SGCD: variants seen among roughly 807,000 people sequenced by gnomAD.
The protein encoded by SGCD is sarcoglycan delta.
A neutral mutation model predicts 36.6 loss-of-function variants in SGCD; 18 were observed. The observed-to-expected ratio is 0.49, with a 90% CI of 0.34 to 0.73. SGCD has a LOEUF of 0.73. Among genes scored for constraint, SGCD ranks in the 30% least tolerant of loss-of-function variants. The pLI is 0.01. For missense variants in SGCD, 387 were observed against 346.7 expected (o/e 1.12, Z -0.92); for synonymous variants, 133 against 130.6 (o/e 1.02, Z -0.12).
At chr5:156,071,885 T>A (rs1303639366) in intron 1 of SGCD, among the ~76,000 whole-genome samples, 3 of 152,196 alleles carry the variant, frequency 2.0e-5, no homozygotes, top group African/African-American at 4.8e-5. Flanking sequence ...CATTATGTAA[T>A]GGCCTTCTTT....
chr5:155,737,500 T>A, the SGCD span, among the ~76,000 whole-genome samples: 1 of 152,216 alleles, frequency 6.6e-6, no homozygotes, highest in East Asian at 1.9e-4. Flanking sequence ...TAAAAAGAAA[T>A]CATGCTATGG....
intron 7 of SGCD, among the ~76,000 whole-genome samples, chr5:156,746,038 A>G (rs1581520696): frequency 6.6e-6 from 1 of 152,054 alleles, no homozygotes; most frequent in East Asian, 1.9e-4. Context: ...AAAAAAAATT[A>G]AATTAAAATT....
chr5:156,035,285 G>T (rs920102302), intron 1 of SGCD, among the ~76,000 whole-genome samples: 1 of 152,114 alleles, frequency 6.6e-6, no homozygotes, highest in Non-Finnish European at 1.5e-5. Flanking sequence ...CCTTAACAGA[G>T]TGGTTAAAAC....
chr5:156,622,525 C>T (rs1487439407), intron 6 of SGCD, among the ~76,000 whole-genome samples: 1 of 145,216 alleles, frequency 6.9e-6, no homozygotes, highest in East Asian at 2.0e-4. Flanking sequence ...TTGCAAGTCT[C>T]CATAACAAAG....
chr5:155,873,429 G>A (rs944686197), intron 1 of SGCD, among the ~76,000 whole-genome samples: 3 of 152,146 alleles, frequency 2.0e-5, no homozygotes, highest in Admixed American at 2.0e-4. Flanking sequence ...GAAACAGAAA[G>A]TCCAAATACT....
intron 3 of SGCD, among the ~76,000 whole-genome samples, chr5:156,145,950 ATG>A (rs1371762596): frequency 4.6e-5 from 7 of 152,336 alleles, no homozygotes; most frequent in South Asian, 2.1e-4. Flanking sequence ...GTGGTGGCTC[ATG>A]CCTGTAATAC....
At chr5:156,002,119 CTG>C (rs1277158598) in intron 1 of SGCD, among the ~76,000 whole-genome samples, 2 of 152,202 alleles carry the variant, frequency 1.3e-5, no homozygotes, top group East Asian at 3.8e-4. Flanking sequence ...CAGAATGTGG[CTG>C]TGTTTGGAGC....
At chr5:156,060,484 G>A (rs374865631) in intron 1 of SGCD, among the ~76,000 whole-genome samples, 1 of 146,602 alleles carries the variant, frequency 6.8e-6, no homozygotes, top group Non-Finnish European at 1.5e-5. Flanking sequence ...TGGCACCTAA[G>A]TTCCTTCAAA....
At chr5:155,777,119 A>T in the SGCD span, among the ~76,000 whole-genome samples, 1 of 152,134 alleles carries the variant, frequency 6.6e-6, no homozygotes, top group East Asian at 1.9e-4. Flanking sequence ...AACATTATCA[A>T]ACTTGATGAT....
intron 3 of SGCD, among the ~76,000 whole-genome samples, chr5:156,403,874 A>G (rs564548971): frequency 2.0e-4 from 30 of 150,638 alleles, no homozygotes; most frequent in Admixed American, 1.7e-3. Context: ...TCACTATGTC[A>G]CCCATGCTGG....
intron 3 of SGCD, among the ~76,000 whole-genome samples, chr5:156,417,295 C>A (rs1008558473): frequency 1.3e-5 from 2 of 152,102 alleles, no homozygotes; most frequent in African/African-American, 2.4e-5. Context: ...ATATCTCAAG[C>A]AATAAGGCTG....
At position 156,766,278 on chromosome 5, in the gene SGCD, G is replaced by A. The variant is rs764363625; in HGVS notation, c.*6888G>A. ...ACTCAAGGAAGCGATCAAATAGAGG[G>A]AAGCTCATTTCTATCATTGTCTCTG... On this transcript the variant is annotated 3_prime_UTR_variant, in exon 9 of 9. Coordinates refer to ENST00000337851, the MANE Select transcript of SGCD (RefSeq NM_000337.6). 6.6e-6 allele frequency: 1 copy of A among 152,012 alleles called. No individual in the cohort carries two copies. The highest frequency in any genetic ancestry group is 2.4e-5 in the African/African-American group (1 of 41,446). The allele number at this position is 152,012 out of a possible 1,614,324, so 9.4% of individuals were successfully genotyped here.
chr5:156,271,631 GTA>G (rs904421014), intron 3 of SGCD, among the ~76,000 whole-genome samples: 2 of 152,126 alleles, frequency 1.3e-5, no homozygotes, highest in African/African-American at 4.8e-5. Context: ...AGATGTGTGT[GTA>G]TGTGTGTGTG....
chr5:156,302,700 C>T (rs1008444557), intron 3 of SGCD, among the ~76,000 whole-genome samples: 2 of 152,146 alleles, frequency 1.3e-5, no homozygotes, highest in Non-Finnish European at 2.9e-5. Flanking sequence ...GTATTGTAAT[C>T]TAAATCTTTG....
intron 4 of SGCD, among the ~76,000 whole-genome samples, chr5:156,566,508 C>A (rs1407258033): frequency 1.3e-5 from 2 of 150,166 alleles, no homozygotes; most frequent in East Asian, 3.8e-4. Context: ...TACTTGAATG[C>A]CCTGTCACCT....
At chr5:155,774,310 G>A in the SGCD span, among the ~76,000 whole-genome samples, 4 of 152,038 alleles carry the variant, frequency 2.6e-5, no homozygotes, top group Non-Finnish European at 2.9e-5. Flanking sequence ...GAGCTCTGCC[G>A]GGGTACTTTG....
At chr5:155,896,472 C>CAAAA (rs34729768) in intron 1 of SGCD, among the ~76,000 whole-genome samples, 43 of 125,156 alleles carry the variant, frequency 3.4e-4, no homozygotes, top group African/African-American at 1.3e-3. Context: ...CCTGTCTCTA[C>CAAAA]AAAAAAAAAA....
intron 1 of SGCD, among the ~76,000 whole-genome samples, chr5:155,944,340 G>A (rs1312841345): frequency 1.3e-5 from 2 of 152,160 alleles, no homozygotes; most frequent in East Asian, 1.9e-4. Context: ...TCTTATGAAC[G>A]ATGATTGTTA....
intron 7 of SGCD, among the ~76,000 whole-genome samples, chr5:156,689,354 G>A (rs757311520): frequency 1.2e-4 from 18 of 152,146 alleles, no homozygotes; most frequent in Admixed American, 1.1e-3. Context: ...GCCTTCTGAT[G>A]CAAGGCACAT....
Sources: gnomAD v4.1 joint callset for allele counts (sites outside exome capture counted in the v4.1 genomes callset) on GRCh38, gnomAD v4.1.1 for gene constraint, MANE v1.5 for transcripts, NCBI Gene and HGNC (gene_info 2026-07-23, HGNC 2026-07-21) for gene names.